Variants in PCDH9 observed in about 807,000 individuals in gnomAD.
The protein encoded by PCDH9 is protocadherin 9, also known as protocadherin-9.
PCDH9 carries 24 observed loss-of-function variants against 70.6 expected under a neutral mutation model. The ratio of observed to expected loss-of-function variants is 0.34; its 90% CI spans 0.25 to 0.48. PCDH9 has a LOEUF of 0.48. Ranked by LOEUF, PCDH9 falls within the 20% of genes least tolerant of loss-of-function variation. PCDH9 has a pLI of 0.99. For synonymous variants in PCDH9, 562 were observed against 558.5 expected, an observed-to-expected ratio of 1.01 and a Z score of -0.09; for missense variants, 1,281 against 1,503.6, an observed-to-expected ratio of 0.85 and a Z score of 2.45.
At chr13:67,123,171 T>C (rs1369126584) in intron 2 of PCDH9, among the ~76,000 whole-genome samples, 1 of 152,200 alleles carries the variant, frequency 6.6e-6, no homozygotes, top group Non-Finnish European at 1.5e-5. Context: ...TTTCTACCCA[T>C]CTTTATGTTA....
chr13:66,609,162 T>C (rs2077260221), intron 4 of PCDH9, among the ~76,000 whole-genome samples: 1 of 152,134 alleles, frequency 6.6e-6, no homozygotes, highest in African/African-American at 2.4e-5. Context: ...GAAAAAGAAG[T>C]AAATGACACA....
intron 3 of PCDH9, among the ~76,000 whole-genome samples, chr13:66,658,424 T>C (rs575915117): frequency 3.4e-4 from 52 of 152,242 alleles, no homozygotes; most frequent in African/African-American, 1.2e-3. Context: ...TTAAGGGTAA[T>C]ATTTAGTCAT....
intron 4 of PCDH9, among the ~76,000 whole-genome samples, chr13:66,534,501 G>A (rs1039036721): frequency 3.9e-5 from 6 of 152,004 alleles, no homozygotes; most frequent in Non-Finnish European, 8.8e-5. Flanking sequence ...CCTTCTATAA[G>A]TGTATTTATC....
intron 4 of PCDH9, among the ~76,000 whole-genome samples, chr13:66,338,546 A>C (rs939607994): frequency 1.3e-5 from 2 of 152,224 alleles, no homozygotes; most frequent in East Asian, 3.9e-4. Flanking sequence ...ACAGTATTTT[A>C]AAATAAGAGA....
At chr13:67,210,993 T>A (rs1406666465) in intron 2 of PCDH9, 1 of 152,016 alleles carries the variant, frequency 6.6e-6, no homozygotes, top group African/African-American at 2.4e-5. Flanking sequence ...TCATGTGACT[T>A]CTATACCAAC....
At chr13:67,117,783 T>C (rs1165408007) in intron 2 of PCDH9, among the ~76,000 whole-genome samples, 1 of 152,090 alleles carries the variant, frequency 6.6e-6, no homozygotes, top group East Asian at 1.9e-4. Flanking sequence ...ATTAAGGGTA[T>C]AAATTAAAAA....
intron 2 of PCDH9, among the ~76,000 whole-genome samples, chr13:67,037,086 G>A (rs1413774453): frequency 6.6e-6 from 1 of 152,134 alleles, no homozygotes. Context: ...CAGCTTTAGA[G>A]TGCCCCTCAA....
chr13:67,158,472 G>A (rs1815152999), intron 2 of PCDH9, among the ~76,000 whole-genome samples: 1 of 152,182 alleles, frequency 6.6e-6, no homozygotes, highest in Non-Finnish European at 1.5e-5. Context: ...TTTGACAGTG[G>A]AACCTTTGAG....
intron 2 of PCDH9, among the ~76,000 whole-genome samples, chr13:66,944,843 G>GTGTGTGTGTC (rs1555289282): frequency 0.018 from 2,709 of 150,534 alleles, 51 homozygotes; most frequent in African/African-American, 0.047. Context: ...GTGTGTGTGT[G>GTGTGTGTGTC]TGTGTGTGTG....
chr13:66,353,055 C>T (rs770946482), intron 4 of PCDH9, among the ~76,000 whole-genome samples: 4 of 152,086 alleles, frequency 2.6e-5, no homozygotes, highest in African/African-American at 4.8e-5. Context: ...ATTTAAAGAG[C>T]GAATCAATTA....
At chr13:66,622,706 A>G (rs1342734987) in intron 4 of PCDH9, among the ~76,000 whole-genome samples, 3 of 152,170 alleles carry the variant, frequency 2.0e-5, no homozygotes, top group African/African-American at 7.2e-5. Flanking sequence ...AAAACAGACC[A>G]CTGGTCTCTA....
chr13:66,821,232 A>G (rs1167547873), intron 3 of PCDH9, among the ~76,000 whole-genome samples: 1 of 152,152 alleles, frequency 6.6e-6, no homozygotes, highest in Non-Finnish European at 1.5e-5. Context: ...ACACTAGATA[A>G]ATAAGTACGA....
intron 3 of PCDH9, among the ~76,000 whole-genome samples, chr13:66,634,054 C>A (rs141613728): frequency 3.4e-4 from 51 of 152,226 alleles, no homozygotes; most frequent in African/African-American, 1.2e-3. Flanking sequence ...CACTATTTTT[C>A]TTTAGCACTT....
intron 2 of PCDH9, chr13:67,214,952 A>ATATATATATATATATATATG (rs1566500778): frequency 4.4e-5 from 3 of 68,272 alleles, no homozygotes; most frequent in South Asian, 1.3e-3. Flanking sequence ...ATATATATAT[A>ATATATATATATATATATATG]TATATATATA....
At chr13:66,950,942 C>A (rs1294061143) in intron 2 of PCDH9, among the ~76,000 whole-genome samples, 1 of 148,310 alleles carries the variant, frequency 6.7e-6, no homozygotes, top group Non-Finnish European at 1.5e-5. Context: ...CTATCAGATA[C>A]ATTTAACCCT....
At chr13:66,410,431 G>A (rs1188770281) in intron 4 of PCDH9, among the ~76,000 whole-genome samples, 1 of 152,124 alleles carries the variant, frequency 6.6e-6, no homozygotes, top group East Asian at 1.9e-4. Flanking sequence ...ATTCCTGAGT[G>A]GCCACAGGAA....
intron 2 of PCDH9, among the ~76,000 whole-genome samples, chr13:67,150,314 G>A (rs546237024): frequency 2.0e-5 from 3 of 152,178 alleles, no homozygotes; most frequent in Non-Finnish European, 2.9e-5. Context: ...TGGGATTACA[G>A]GCATGAGCCA....
chr13:66,823,328 G>A (rs1171312087), intron 3 of PCDH9, among the ~76,000 whole-genome samples: 1 of 151,634 alleles, frequency 6.6e-6, no homozygotes, highest in East Asian at 1.9e-4. Context: ...ATCTAATAAA[G>A]GCAGCATCTT....
chr13:67,060,232 G>A (rs987446589), intron 2 of PCDH9, among the ~76,000 whole-genome samples: 1 of 152,068 alleles, frequency 6.6e-6, no homozygotes, highest in Non-Finnish European at 1.5e-5. Context: ...TCCATGGTGA[G>A]TATTTCCCAT....
Sources: gnomAD v4.1 joint callset for allele counts (sites outside exome capture counted in the v4.1 genomes callset) on GRCh38, gnomAD v4.1.1 for gene constraint, MANE v1.5 for transcripts, NCBI Gene and HGNC (gene_info 2026-07-23, HGNC 2026-07-21) for gene names.